Variants in PTPRM observed in about 807,000 individuals in gnomAD.
PTPRM encodes protein tyrosine phosphatase receptor type M.
Under a neutral mutation model 186.7 loss-of-function variants are expected in PTPRM, and 47 were observed. The observed-to-expected ratio is 0.25, with a 90% CI of 0.20 to 0.32. PTPRM has a LOEUF of 0.32. PTPRM is among the 10% of genes least tolerant of loss of function. The pLI is 1.00. For synonymous variants in PTPRM, 668 were observed against 674.9 expected (o/e 0.99, Z 0.16); for missense variants, 1,494 against 1,865.0 (o/e 0.80, Z 3.66).
intron 20 of PTPRM, among the ~76,000 whole-genome samples, chr18:8,306,567 A>G (rs1000001785): frequency 6.6e-6 from 1 of 152,216 alleles, no homozygotes; most frequent in Admixed American, 6.5e-5. Flanking sequence ...CCAAGTCCTC[A>G]TAGTCTTGAC....
At chr18:7,643,168 C>T (rs2038484005) in intron 1 of PTPRM, among the ~76,000 whole-genome samples, 1 of 152,028 alleles carries the variant, frequency 6.6e-6, no homozygotes, top group South Asian at 2.1e-4. Flanking sequence ...CATGTCCTCC[C>T]ATGGGTATTG....
intron 2 of PTPRM, among the ~76,000 whole-genome samples, chr18:7,874,012 A>T: frequency 6.6e-6 from 1 of 151,990 alleles, no homozygotes; most frequent in East Asian, 1.9e-4. Context: ...CTGTGTCCTT[A>T]TTGGCCTGAA....
In PTPRM at chr18:8,376,341, G is replaced by T. The variant is rs181082260; in HGVS notation, c.3327-121G>T. On this transcript the variant is annotated intron_variant, in intron 25 of 32. Transcript: ENST00000580170. ...TTTGGGAGCACTAAATGCCACTGGA[G>T]TGTACCTTTTAAGAGGTTTAATTTT... 3.7e-3 allele frequency: 5,708 copies of T among 1,545,122 alleles called. 23 individuals carry two copies. The highest frequency in any genetic ancestry group is 4.4e-3 in the Non-Finnish European group (5,027 of 1,130,612).
chr18:7,974,753 A>G (rs1177645493), intron 7 of PTPRM, among the ~76,000 whole-genome samples: 1 of 152,252 alleles, frequency 6.6e-6, no homozygotes, highest in East Asian at 1.9e-4. Flanking sequence ...CGGGCAGAGA[A>G]GAATAGTTCC....
intron 22 of PTPRM, among the ~76,000 whole-genome samples, chr18:8,320,578 G>A (rs1354029679): frequency 2.6e-5 from 4 of 152,166 alleles, no homozygotes; most frequent in African/African-American, 9.7e-5. Context: ...GATAGAAATA[G>A]CTACATTTGG....
chr18:8,347,581 G>C (rs1376881646), intron 23 of PTPRM, among the ~76,000 whole-genome samples: 1 of 152,208 alleles, frequency 6.6e-6, no homozygotes, highest in Non-Finnish European at 1.5e-5. Context: ...CTATGCAGTG[G>C]TGGTCGCTGT....
At chr18:7,601,230 T>A (rs2037395591) in intron 1 of PTPRM, among the ~76,000 whole-genome samples, 1 of 152,238 alleles carries the variant, frequency 6.6e-6, no homozygotes, top group Non-Finnish European at 1.5e-5. Context: ...ATCTTAAGTC[T>A]GAGTTTCAGT....
intron 2 of PTPRM, among the ~76,000 whole-genome samples, chr18:7,887,269 T>C (rs2048836207): frequency 6.6e-6 from 1 of 152,150 alleles, no homozygotes; most frequent in Non-Finnish European, 1.5e-5. Flanking sequence ...GCTCAAGTGC[T>C]TGGTATCTGG....
At position 8,394,542 on chromosome 18, in the gene PTPRM, G is replaced by A; in HGVS notation, c.4275G>A (p.Gln1425=). The A allele has an allele frequency of 6.2e-7, 1 of 1,613,830 alleles. No homozygotes were observed. Among genetic ancestry groups the A allele is most frequent in the South Asian group, 1.1e-5 (1 of 90,972 alleles). ...TCGTATGTGAGATGCTCCGGCACCAGAGAACCGTGGATGTCTTTCACGCTG... is the reference window on the plus strand; with the variant it reads ...TCGTATGTGAGATGCTCCGGCACCAAAGAACCGTGGATGTCTTTCACGCTG... ...ISIVCEMLRH[Q]RTVDVFHAVK... Residue 1425 remains glutamine (Q), a synonymous_variant, in exon 32 of 33, where the codon CAG becomes CAA. Transcript: ENST00000580170.
chr18:8,345,278 A>T (rs1264836683), intron 23 of PTPRM, among the ~76,000 whole-genome samples: 1 of 152,228 alleles, frequency 6.6e-6, no homozygotes, highest in African/African-American at 2.4e-5. Context: ...AAATTTATTA[A>T]CTAAACAGCA....
rs1255932498 is a variant in PTPRM at position 7,568,197 on chromosome 18, C to T, written c.73+306C>T. Among the ~76,000 whole-genome samples, 2 of 151,898 alleles carry T rather than the reference C, an allele frequency of 1.3e-5. No homozygotes were observed. The highest frequency in any genetic ancestry group is 2.4e-5 in the African/African-American group (1 of 41,424). On this transcript the variant is annotated intron_variant, in intron 1 of 32. Transcript: ENST00000580170. The surrounding 1 kb of genome is among the most constrained non-coding windows in gnomAD (Gnocchi z 5.1). ...AGTGCTCAAGGTTGGGCGGCTTGCA[C>T]TCTTGAGTCCCTGGCCGGCTGCAAA...
intron 19 of PTPRM, among the ~76,000 whole-genome samples, chr18:8,281,295 TC>T (rs1456453219): frequency 2.6e-5 from 4 of 152,236 alleles, no homozygotes; most frequent in Non-Finnish European, 4.4e-5. Context: ...TTCTTGGACA[TC>T]CTGGCAGATC....
At chr18:8,395,397 G>A (rs916280913) in intron 32 of PTPRM, among the ~76,000 whole-genome samples, 2 of 152,162 alleles carry the variant, frequency 1.3e-5, no homozygotes, top group Non-Finnish European at 2.9e-5. Context: ...TTAAAATAAA[G>A]GGACTTAAGA....
chr18:7,991,286 A>T (rs1324725535), intron 7 of PTPRM, among the ~76,000 whole-genome samples: 3 of 152,154 alleles, frequency 2.0e-5, no homozygotes, highest in African/African-American at 7.2e-5. Context: ...TATTTAAGGG[A>T]CACCATGCCT....
chr18:8,391,932 G>A (rs529745411), intron 31 of PTPRM, among the ~76,000 whole-genome samples: 48 of 152,216 alleles, frequency 3.2e-4, no homozygotes, highest in African/African-American at 9.1e-4. Context: ...ACTACCTACC[G>A]ATTTACAGGA....
chr18:8,294,501 C>T (rs1229671034), intron 19 of PTPRM, among the ~76,000 whole-genome samples: 3 of 152,036 alleles, frequency 2.0e-5, no homozygotes. Flanking sequence ...ATGGAGGTAA[C>T]CACCCCCATG....
At chr18:8,065,208 A>G (rs2088965203) in intron 7 of PTPRM, among the ~76,000 whole-genome samples, 1 of 152,184 alleles carries the variant, frequency 6.6e-6, no homozygotes, top group African/African-American at 2.4e-5. Flanking sequence ...ATGAGCTGTG[A>G]ATTGAACCTG....
intron 1 of PTPRM, among the ~76,000 whole-genome samples, chr18:7,698,526 C>T (rs2144691337): frequency 6.6e-6 from 1 of 152,274 alleles, no homozygotes; most frequent in South Asian, 2.1e-4. Context: ...TCATTAAGTA[C>T]AAAATATTTC....
intron 14 of PTPRM, among the ~76,000 whole-genome samples, chr18:8,179,768 T>C (rs1308143742): frequency 6.6e-6 from 1 of 152,160 alleles, no homozygotes; most frequent in Non-Finnish European, 1.5e-5. Flanking sequence ...GTGCCCGGCC[T>C]AAATATCCCT....
Sources: gnomAD v4.1 joint callset for allele counts (sites outside exome capture counted in the v4.1 genomes callset) on GRCh38, gnomAD v4.1.1 for gene constraint, Gnocchi (gnomAD v3.1) non-coding constraint, MANE v1.5 for transcripts, NCBI Gene and HGNC (gene_info 2026-07-23, HGNC 2026-07-21) for gene names.